Variants in RIMBP2 observed in about 807,000 individuals in gnomAD.
RIMBP2 encodes the protein RIMS-binding protein 2.
In RIMBP2, 48 loss-of-function variants were observed where a neutral mutation model predicts 118.6. The observed-to-expected ratio is 0.40, with a 90% CI of 0.32 to 0.51. The LOEUF (loss-of-function observed/expected upper bound fraction) is 0.51. Ranked by LOEUF, RIMBP2 falls within the 20% of genes least tolerant of loss-of-function variation. The pLI is 0.41. For missense variants in RIMBP2, 1,551 were observed against 1,768.3 expected (o/e 0.88, Z 2.20); for synonymous variants, 762 against 742.9 (o/e 1.03, Z -0.42).
intron 4 of RIMBP2, among the ~76,000 whole-genome samples, chr12:130,480,237 C>CACACACACACACACACACACG: frequency 6.7e-6 from 1 of 150,210 alleles, no homozygotes; most frequent in Non-Finnish European, 1.5e-5. Context: ...ACACACACAC[C>CACACACACACACACACACACG]TGTGGTAACT....
intron 4 of RIMBP2, among the ~76,000 whole-genome samples, chr12:130,500,527 G>A (rs978049185): frequency 1.3e-5 from 2 of 152,216 alleles, no homozygotes; most frequent in African/African-American, 4.8e-5. Context: ...ATCACAGGCT[G>A]CAGGGAAGCA....
intron 1 of RIMBP2, among the ~76,000 whole-genome samples, chr12:130,685,018 A>C (rs1017433592): frequency 4.6e-5 from 7 of 152,212 alleles, no homozygotes; most frequent in African/African-American, 1.7e-4. Flanking sequence ...ACATGAGTTC[A>C]TCACCCACAT....
At chr12:130,402,687 A>G (rs1438877858) in intron 21 of RIMBP2, among the ~76,000 whole-genome samples, 1 of 152,202 alleles carries the variant, frequency 6.6e-6, no homozygotes, top group Non-Finnish European at 1.5e-5. Flanking sequence ...CCTAATGTCC[A>G]GACAGAATGG....
intron 22 of RIMBP2, 69 bp downstream of exon 22, chr12:130,399,610 C>G: frequency 6.5e-7 from 1 of 1,547,712 alleles, no homozygotes; most frequent in Non-Finnish European, 8.8e-7. Context: ...AATATCAGTG[C>G]AAAGATTGTA....
chr12:130,456,812 G>A (rs2079493561), intron 6 of RIMBP2, 112 bp from the exon 7 acceptor site: 1 of 739,908 alleles, frequency 1.4e-6, no homozygotes, highest in East Asian at 2.7e-5. Context: ...GTGCACGTGT[G>A]TACACACGTG....
intron 4 of RIMBP2, among the ~76,000 whole-genome samples, chr12:130,500,410 A>G (rs1176520537): frequency 6.6e-6 from 1 of 152,210 alleles, no homozygotes; most frequent in African/African-American, 2.4e-5. Flanking sequence ...GTGAGCCCAG[A>G]TCACGCCACT....
At chr12:130,520,963 C>T (rs909087233) in intron 2 of RIMBP2, among the ~76,000 whole-genome samples, 2 of 152,202 alleles carry the variant, frequency 1.3e-5, no homozygotes, top group East Asian at 1.9e-4. Context: ...GGCATGGGGA[C>T]GTGTGGTTCC....
At position 130,446,237 on chromosome 12, in the gene RIMBP2, T is replaced by G. The variant is rs2078513466; in HGVS notation, c.582-968A>C. On this transcript the variant is annotated intron_variant, in intron 9 of 22. Coordinates refer to ENST00000690449, the MANE Select transcript of RIMBP2 (RefSeq NM_001393629.1). The surrounding 1 kb of genome is among the most constrained non-coding windows in gnomAD (Gnocchi z 4.1). Reference sequence around the variant, plus strand: ...AAAATAACATTAGAGTTGGAGAAGATAGCCAGACACTGTAATATTATAATT... The same window carrying G: ...AAAATAACATTAGAGTTGGAGAAGAGAGCCAGACACTGTAATATTATAATT... Among the ~76,000 whole-genome samples, 1 of 152,204 alleles carries G rather than the reference T, an allele frequency of 6.6e-6. No homozygotes were observed. The highest frequency in any genetic ancestry group is 1.5e-5 in the Non-Finnish European group (1 of 68,050).
chr12:130,524,154 G>A (rs77338859), intron 2 of RIMBP2, among the ~76,000 whole-genome samples: 8,189 of 152,208 alleles, frequency 0.054, 506 homozygotes, highest in African/African-American at 0.15. Flanking sequence ...ATTTGGACAC[G>A]GGAAGCTCCT....
chr12:130,695,341 G>A (rs1337601577), intron 1 of RIMBP2, among the ~76,000 whole-genome samples: 1 of 152,168 alleles, frequency 6.6e-6, no homozygotes, highest in African/African-American at 2.4e-5. Context: ...CCCACACTCA[G>A]ACTTCAACTT....
chr12:130,476,476 A>G (rs2081439351), intron 5 of RIMBP2, among the ~76,000 whole-genome samples: 1 of 152,114 alleles, frequency 6.6e-6, no homozygotes, highest in Non-Finnish European at 1.5e-5. Context: ...CTGGTGGGGT[A>G]AGCACTCCAG....
rs1256459246 is a variant in RIMBP2 at position 130,555,361 on chromosome 12, G to C, written c.-216-37444C>G. Among the ~76,000 whole-genome samples, 5 of 152,302 alleles carry C rather than the reference G, an allele frequency of 3.3e-5. 1 individual carries two copies. Among genetic ancestry groups the C allele is most frequent in the African/African-American group, 7.2e-5 (3 of 41,570 alleles). ...TGGCTCCTGGCTATGGCAGCAGTTA[G>C]TCAAAATGAGAAGCAGCGTGGGTCT... On this transcript the variant is annotated intron_variant, in intron 2 of 22. Transcript: ENST00000690449.
rs1407928341 is a variant in RIMBP2 at position 130,670,587 on chromosome 12, T to C, written c.-351-42131A>G. On this transcript the variant is annotated intron_variant, in intron 1 of 22. Coordinates refer to ENST00000690449, the MANE Select transcript of RIMBP2 (RefSeq NM_001393629.1). The surrounding 1 kb of genome is among the most constrained non-coding windows in gnomAD (Gnocchi z 4.9). ...TAAAGTTTACACTTGTTCAGCACCA[T>C]GAAGCCGCCAGTCCGACACCCATTC... is the stretch of plus-strand genomic sequence containing the variant. 2.6e-5 allele frequency among the ~76,000 whole-genome samples: 4 copies of C among 152,094 alleles called. No homozygotes were observed. Among genetic ancestry groups the C allele is most frequent in the African/African-American group, 9.7e-5 (4 of 41,416 alleles).
intron 2 of RIMBP2, among the ~76,000 whole-genome samples, chr12:130,550,554 T>G (rs2055660233): frequency 2.0e-5 from 3 of 152,224 alleles, no homozygotes; most frequent in Admixed American, 2.0e-4. Context: ...TGGGGTCAGC[T>G]GGGTAAAGAG....
chr12:130,506,999 G>A (rs975829475), intron 3 of RIMBP2, among the ~76,000 whole-genome samples: 34 of 152,110 alleles, frequency 2.2e-4, no homozygotes, highest in African/African-American at 8.2e-4. Flanking sequence ...CTCCACCACA[G>A]CCTCAGTGAT....
Position 130,534,998 on chromosome 12 carries a change from C to T in RIMBP2, c.-216-17081G>A, listed in dbSNP as rs192954801. Among the ~76,000 whole-genome samples the T allele has an allele frequency of 1.1e-3, 160 of 152,298 alleles. 1 individual carries two copies. In the South Asian group the frequency reaches 0.016, roughly 15 times the overall value. On this transcript the variant is annotated intron_variant, in intron 2 of 22. Coordinates refer to ENST00000690449, the MANE Select transcript of RIMBP2 (RefSeq NM_001393629.1). ...TTTTATGTAAAACATCCCCACCTGA[C>T]GATGCTGGTGACTAAGGAAAGCCTG...
chr12:130,708,802 G>C (rs756284929), intron 1 of RIMBP2, among the ~76,000 whole-genome samples: 1 of 152,212 alleles, frequency 6.6e-6, no homozygotes, highest in South Asian at 2.1e-4. Context: ...GTGTTTCAGA[G>C]CTCCCTGGGA....
At chr12:130,587,807 T>G (rs922503362) in intron 2 of RIMBP2, among the ~76,000 whole-genome samples, 17 of 137,692 alleles carry the variant, frequency 1.2e-4, no homozygotes, top group African/African-American at 4.8e-4. Flanking sequence ...TGTGCACATG[T>G]ACCCTAAAAC....
chr12:130,521,249 T>G (rs963430201), intron 2 of RIMBP2, among the ~76,000 whole-genome samples: 1 of 152,174 alleles, frequency 6.6e-6, no homozygotes, highest in African/African-American at 2.4e-5. Context: ...TCAGCACCAC[T>G]GAAGAAATTT....
Sources: gnomAD v4.1 joint callset for allele counts (sites outside exome capture counted in the v4.1 genomes callset) on GRCh38, gnomAD v4.1.1 for gene constraint, Gnocchi (gnomAD v3.1) non-coding constraint, MANE v1.5 for transcripts, NCBI Gene and HGNC (gene_info 2026-07-23, HGNC 2026-07-21) for gene names.